The following DAB2IP variants were observed in gnomAD, a reference collection of about 807,000 sequenced individuals.
DAB2IP encodes disabled homolog 2-interacting protein.
Under a neutral mutation model 107.2 loss-of-function variants are expected in DAB2IP, and 28 were observed. The ratio of observed to expected loss-of-function variants is 0.26; its 90% CI spans 0.19 to 0.36. The LOEUF (loss-of-function observed/expected upper bound fraction) is 0.36, where lower values mean the gene tolerates loss of function less well. DAB2IP is among the 10% of genes least tolerant of loss of function. The pLI is 1.00. For missense variants in DAB2IP, 1,400 were observed against 1,644.7 expected, an observed-to-expected ratio of 0.85 and a Z score of 2.57; for synonymous variants, 755 against 706.4, an observed-to-expected ratio of 1.07 and a Z score of -1.09.
At chr9:121,652,905 C>T (rs1220409633) in intron 1 of DAB2IP, among the ~76,000 whole-genome samples, 1 of 152,102 alleles carries the variant, frequency 6.6e-6, no homozygotes, top group African/African-American at 2.4e-5. Flanking sequence ...GTTGCTTCCA[C>T]CAGAATGGGG....
intron 3 of DAB2IP, among the ~76,000 whole-genome samples, chr9:121,733,332 C>T (rs115111620): frequency 9.6e-4 from 147 of 152,362 alleles, no homozygotes; most frequent in African/African-American, 3.3e-3. Flanking sequence ...TCTCTCCCCA[C>T]GGGATGTACA....
chr9:121,573,179 C>T (rs993368472), intron 1 of DAB2IP, among the ~76,000 whole-genome samples: 3 of 152,018 alleles, frequency 2.0e-5, no homozygotes, highest in African/African-American at 4.8e-5. Flanking sequence ...TGGGTTTAAG[C>T]GATTCTCCTG....
At chr9:121,604,844 C>G (rs968476224) in intron 1 of DAB2IP, among the ~76,000 whole-genome samples, 1 of 152,188 alleles carries the variant, frequency 6.6e-6, no homozygotes, top group Non-Finnish European at 1.5e-5. Context: ...AGCTTTGAAT[C>G]AGGCATGATT....
At chr9:121,726,249 C>T (rs896415564) in intron 3 of DAB2IP, among the ~76,000 whole-genome samples, 3 of 152,168 alleles carry the variant, frequency 2.0e-5, no homozygotes, top group Admixed American at 6.5e-5. Flanking sequence ...TATAAAAACC[C>T]AAAAGGACAA....
At chr9:121,781,086 G>A (rs2119040142) in intron 14 of DAB2IP, among the ~76,000 whole-genome samples, 1 of 152,276 alleles carries the variant, frequency 6.6e-6, no homozygotes, top group Non-Finnish European at 1.5e-5. Context: ...GGGCAGGGTG[G>A]AAAAAGTTCT....
intron 1 of DAB2IP, among the ~76,000 whole-genome samples, chr9:121,626,947 C>T (rs966954648): frequency 3.9e-5 from 6 of 152,126 alleles, no homozygotes; most frequent in South Asian, 2.1e-4. Flanking sequence ...GCAGAAAGTA[C>T]GAGATCCCAT....
At position 121,782,193 on chromosome 9, in the gene DAB2IP, C is replaced by G; in HGVS notation, c.3403-138C>G. On this transcript the variant is annotated intron_variant, in intron 15 of 15. Transcript: ENST00000408936. The surrounding 1 kb of genome is among the most constrained non-coding windows in gnomAD (Gnocchi z 6.1). Reference sequence around the variant, plus strand: ...CTGCAGAGGCCTCTGCCTACCTTCTCTTGCCAGCTGCTCACAGCCCGGAGC... The same window carrying G: ...CTGCAGAGGCCTCTGCCTACCTTCTGTTGCCAGCTGCTCACAGCCCGGAGC... 9.3e-6 allele frequency: 13 copies of G among 1,402,866 alleles called. No homozygotes were observed. Among genetic ancestry groups the G allele is most frequent in the Non-Finnish European group, 1.2e-5 (13 of 1,054,846 alleles). 86.9% of individuals were successfully genotyped at this position (1,402,866 alleles called of 1,614,324 possible).
At chr9:121,677,549 C>G (rs967249331) in intron 1 of DAB2IP, among the ~76,000 whole-genome samples, 1 of 152,106 alleles carries the variant, frequency 6.6e-6, no homozygotes, top group South Asian at 2.1e-4. Context: ...GAGAAGTCAT[C>G]CAAGCTCCCC....
At chr9:121,664,894 G>T (rs1209752084) in intron 1 of DAB2IP, among the ~76,000 whole-genome samples, 3 of 152,184 alleles carry the variant, frequency 2.0e-5, no homozygotes, top group African/African-American at 4.8e-5. Flanking sequence ...CTTCTTTGTA[G>T]CTTTCCCAAA....
intron 13 of DAB2IP, among the ~76,000 whole-genome samples, chr9:121,775,057 A>AG (rs1835100801): frequency 6.6e-6 from 1 of 152,224 alleles, no homozygotes; most frequent in Admixed American, 6.5e-5. Flanking sequence ...TGCTGGGGCA[A>AG]GGGGATGCTT....
At chr9:121,628,995 G>A (rs1346656994) in intron 1 of DAB2IP, among the ~76,000 whole-genome samples, 1 of 152,214 alleles carries the variant, frequency 6.6e-6, no homozygotes, top group African/African-American at 2.4e-5. Flanking sequence ...AAGGTGACAG[G>A]TGTGGTCACA....
intron 1 of DAB2IP, among the ~76,000 whole-genome samples, chr9:121,665,412 GT>G (rs937265322): frequency 6.6e-6 from 1 of 152,134 alleles, no homozygotes; most frequent in Non-Finnish European, 1.5e-5. Context: ...GGGGAAAATA[GT>G]TTACAGTTAA....
rs1384605267 is a variant in DAB2IP, at chr9:121,760,488, G to A, written c.1170+49G>A. 4.0e-6 allele frequency: 6 copies of A among 1,510,956 alleles called. No individual in the cohort carries two copies. The highest frequency in any genetic ancestry group is 1.3e-5 in the South Asian group (1 of 76,268). The allele number at this position is 1,510,956 out of a possible 1,614,324, so 93.6% of individuals were successfully genotyped here. On this transcript the variant is annotated intron_variant, in intron 6 of 15. Transcript: ENST00000408936. The surrounding 1 kb of genome is among the most constrained non-coding windows in gnomAD (Gnocchi z 5.9). ...TGACACAGGCTGGGCGGCAGCACTG[G>A]GTTACCTGCCCTTCCTCACATCCGT...
intron 1 of DAB2IP, among the ~76,000 whole-genome samples, chr9:121,584,950 G>A (rs1830280270): frequency 6.6e-6 from 1 of 152,126 alleles, no homozygotes; most frequent in Non-Finnish European, 1.5e-5. Context: ...CTGGAGTGCA[G>A]TAGCTATTCA....
intron 3 of DAB2IP, among the ~76,000 whole-genome samples, chr9:121,719,039 T>G (rs772187252): frequency 6.6e-6 from 1 of 152,246 alleles, no homozygotes; most frequent in Non-Finnish European, 1.5e-5. Flanking sequence ...GACATATACA[T>G]GTCCTGCCCT....
intron 8 of DAB2IP, among the ~76,000 whole-genome samples, chr9:121,764,394 G>A (rs566715500): frequency 1.3e-5 from 2 of 152,366 alleles, no homozygotes; most frequent in South Asian, 2.1e-4. Context: ...GCCAGCCCCA[G>A]AAAGCAGCAG....
chr9:121,741,468 G>T (rs1374600262), intron 3 of DAB2IP, among the ~76,000 whole-genome samples: 2 of 152,112 alleles, frequency 1.3e-5, no homozygotes, highest in African/African-American at 4.8e-5. Context: ...CTCCTGCTCT[G>T]CCCCTCCTAC....
chr9:121,573,588 G>A (rs1264589116), intron 1 of DAB2IP, among the ~76,000 whole-genome samples: 1 of 151,904 alleles, frequency 6.6e-6, no homozygotes, highest in African/African-American at 2.4e-5. Context: ...TTTGCCATGT[G>A]AGCAGGCTGG....
intron 9 of DAB2IP, 46 bp downstream of exon 9, chr9:121,766,776 T>A: frequency 6.3e-7 from 1 of 1,593,536 alleles, no homozygotes; most frequent in Non-Finnish European, 8.6e-7. Flanking sequence ...AGGGCTGGTG[T>A]CCACAGGGCA....
Sources: gnomAD v4.1 joint callset for allele counts (sites outside exome capture counted in the v4.1 genomes callset) on GRCh38, gnomAD v4.1.1 for gene constraint, Gnocchi (gnomAD v3.1) non-coding constraint, MANE v1.5 for transcripts, NCBI Gene and HGNC (gene_info 2026-07-23, HGNC 2026-07-21) for gene names.